CACNA1I: variants seen among roughly 807,000 people sequenced by gnomAD.
The protein encoded by CACNA1I is voltage-dependent T-type calcium channel subunit alpha-1I.
Under a neutral mutation model 201.6 loss-of-function variants are expected in CACNA1I, and 74 were observed. That is an observed-to-expected ratio of 0.37 (90% CI 0.30 to 0.45). The LOEUF is 0.45. CACNA1I is among the 20% of genes least tolerant of loss of function. The pLI is 1.00. For missense variants in CACNA1I, 2,346 were observed against 3,138.1 expected, an observed-to-expected ratio of 0.75 and a Z score of 6.03; for synonymous variants, 1,431 against 1,345.2, an observed-to-expected ratio of 1.06 and a Z score of -1.40.
At chr22:39,606,323 T>C (rs933748486) in intron 3 of CACNA1I, among the ~76,000 whole-genome samples, 1 of 152,170 alleles carries the variant, frequency 6.6e-6, no homozygotes, top group African/African-American at 2.4e-5. Flanking sequence ...TGGTGATTTT[T>C]AAAACCCACG....
intron 1 of CACNA1I, among the ~76,000 whole-genome samples, chr22:39,593,672 G>A (rs1416617555): frequency 6.6e-6 from 1 of 152,136 alleles, no homozygotes; most frequent in Non-Finnish European, 1.5e-5. Context: ...TTCTTGAGCA[G>A]GAGAGAGGCA....
Position 39,677,460 on chromosome 22 carries a change from A to T in CACNA1I, c.4933+41A>T. ...AGCAGGCCCGTGGTGGGGGTGCAGCAGGGCTGCAGGAGGAACTGGGGGGGC... is the reference window on the plus strand; with the variant it reads ...AGCAGGCCCGTGGTGGGGGTGCAGCTGGGCTGCAGGAGGAACTGGGGGGGC... On this transcript the variant is annotated intron_variant, in intron 30 of 36. Transcript: ENST00000402142. This position sits in a 1 kb window ranked among gnomAD's most constrained non-coding sequence, Gnocchi z 4.8. 7 of 1,170,572 alleles carry T rather than the reference A, an allele frequency of 6.0e-6. No individual in the cohort carries two copies. The highest frequency in any genetic ancestry group is 8.4e-6 in the Non-Finnish European group (7 of 830,904). 72.5% of individuals were successfully genotyped at this position (1,170,572 alleles called of 1,614,324 possible).
intron 1 of CACNA1I, 108 bp from the exon 2 acceptor site, chr22:39,598,043 G>T (rs955675891): frequency 1.6e-5 from 11 of 667,926 alleles, no homozygotes; most frequent in Non-Finnish European, 2.7e-5. Context: ...AATGAGGAAT[G>T]GGGTGTATGC....
At chr22:39,674,190 G>A (rs1241687791) in intron 29 of CACNA1I, among the ~76,000 whole-genome samples, 157 bp downstream of exon 29, 3 of 152,196 alleles carry the variant, frequency 2.0e-5, no homozygotes, top group Non-Finnish European at 4.4e-5. Context: ...CTGAGAGGCA[G>A]GAAGGGTCCC....
rs775620770 is a variant in CACNA1I at position 39,676,992 on chromosome 22, T to C, written c.4855-349T>C. On this transcript the variant is annotated intron_variant, in intron 29 of 36. Transcript: ENST00000402142. This position sits in a 1 kb window ranked among gnomAD's most constrained non-coding sequence, Gnocchi z 4.8. Reference sequence around the variant, plus strand: ...TAGCTGTGCGACTCTGGACAAGTGATGTCACCTCTCAGTCTGTCTCCTTCT... The same window carrying C: ...TAGCTGTGCGACTCTGGACAAGTGACGTCACCTCTCAGTCTGTCTCCTTCT... 6.6e-6 allele frequency among the ~76,000 whole-genome samples: 1 copy of C among 152,198 alleles called. No individual in the cohort carries two copies. The highest frequency in any genetic ancestry group is 1.5e-5 in the Non-Finnish European group (1 of 68,016).
chr22:39,682,078 C>T (rs1158971751), intron 34 of CACNA1I, among the ~76,000 whole-genome samples: 1 of 152,044 alleles, frequency 6.6e-6, no homozygotes, highest in Non-Finnish European at 1.5e-5. Context: ...CTCTGGGCTG[C>T]AGGGCTGAGG....
chr22:39,581,112 CAGG>C (rs896663245), intron 1 of CACNA1I, among the ~76,000 whole-genome samples: 1 of 152,170 alleles, frequency 6.6e-6, no homozygotes, highest in Non-Finnish European at 1.5e-5. Context: ...GCATGAGTGA[CAGG>C]AGAACAGGGC....
At chr22:39,669,035 C>A (rs1935285365) in intron 24 of CACNA1I, among the ~76,000 whole-genome samples, 1 of 151,928 alleles carries the variant, frequency 6.6e-6, no homozygotes, top group Admixed American at 6.6e-5. Flanking sequence ...CTTCTGAGAC[C>A]CCTGAGTAGC....
Position 39,665,924 on chromosome 22 carries a change from G to A in CACNA1I, c.4022G>A (p.Arg1341His), listed in dbSNP as rs774887441. ...KFYHCLGVDTRNITNRSDCMA... is the reference protein window; with the variant it reads ...KFYHCLGVDTHNITNRSDCMA... The stretch of plus-strand genomic sequence containing the variant: ...TACCACTGTCTGGGCGTGGACACCC[G>A]CAACATCACCAACCGCTCGGACTGC... The change falls in exon 23 of 37, where the codon CGC becomes CAC. Residue 1341 changes from arginine to histidine, a missense_variant. By Grantham distance (29) the Arg-to-His change is conservative (BLOSUM62 0). This residue lies in a region of CACNA1I where 228 missense variants were observed against 395.7 expected (regional missense o/e 0.58). Coordinates refer to ENST00000402142, the MANE Select transcript of CACNA1I (RefSeq NM_021096.4). The surrounding 1 kb of genome is among the most constrained non-coding windows in gnomAD (Gnocchi z 5.5). The A allele has an allele frequency of 3.0e-5, 48 of 1,613,644 alleles. No individual in the cohort carries two copies. In the Admixed American group the frequency reaches 3.3e-4, roughly 11 times the overall value.
At chr22:39,663,580 GCACC>G in intron 18 of CACNA1I, 134 bp from the exon 19 acceptor site, 8 of 999,908 alleles carry the variant, frequency 8.0e-6, no homozygotes, top group Admixed American at 5.3e-5. Context: ...TGTAGAGTCG[GCACC>G]TGGCCAGAGG....
rs1786847617 is a variant in CACNA1I, at chr22:39,662,262, C to T, written c.3199C>T (p.Leu1067=). Residue 1067 remains leucine (L), a synonymous_variant, in exon 17 of 37, where the codon CTG becomes TTG. Transcript: ENST00000402142. ...LSLDNRDSVD[L]AELVPAVGAH... ...CCTCGACAACAGGGACTCGGTGGACCTGGCCGAGCTGGTGCCCGCGGTGGG... is the reference window on the plus strand; with the variant it reads ...CCTCGACAACAGGGACTCGGTGGACTTGGCCGAGCTGGTGCCCGCGGTGGG... The T allele has an allele frequency of 1.3e-6, 2 of 1,520,438 alleles. No homozygotes were observed. The highest frequency in any genetic ancestry group is 1.2e-5 in the South Asian group (1 of 81,694). 94.2% of individuals were successfully genotyped at this position (1,520,438 alleles called of 1,614,324 possible).
intron 1 of CACNA1I, among the ~76,000 whole-genome samples, chr22:39,578,507 C>T (rs1183673570): frequency 2.0e-5 from 3 of 152,122 alleles, no homozygotes; most frequent in Non-Finnish European, 4.4e-5. Context: ...CCTCCCTCCT[C>T]CTCCCCTGCT....
At chr22:39,619,937 A>G (rs1418801849) in intron 4 of CACNA1I, among the ~76,000 whole-genome samples, 1 of 149,382 alleles carries the variant, frequency 6.7e-6, no homozygotes, top group East Asian at 1.9e-4. Context: ...CCACCTGTCC[A>G]TCCATCCATC....
At position 39,649,752 on chromosome 22, in the gene CACNA1I, AAGGAGG is replaced by A. The variant is rs755371506; in HGVS notation, c.1834_1839del (p.Glu612_Glu613del). 7 of 1,586,260 alleles carry A rather than the reference AAGGAGG, an allele frequency of 4.4e-6. No homozygotes were observed. The highest frequency in any genetic ancestry group is 2.3e-5 in the East Asian group (1 of 43,642). ...GGACGGAGCCTCCTCAGAACTGGGG[AAGGAGG>A]AGGAGGAGGAGGAGCAGGCGGATGG... is the stretch of plus-strand genomic sequence containing the variant. On this transcript the variant is annotated inframe_deletion, in exon 10 of 37. Transcript: ENST00000402142. This position sits in a 1 kb window ranked among gnomAD's most constrained non-coding sequence, Gnocchi z 7.3.
Position 39,677,389 on chromosome 22 carries a change from G to T in CACNA1I, c.4903G>T (p.Ala1635Ser). The T allele has an allele frequency of 6.3e-7, 1 of 1,596,122 alleles. No homozygotes were observed. The stretch of plus-strand genomic sequence containing the variant: ...CATGCTGCTCTTCTTCATCTATGCT[G>T]CTCTCGGGGTGGAGCTCTTTGGGAA... ...LFMLLFFIYA[A>S]LGVELFGKLV... Residue 1635 changes from alanine (A) to serine (S), a missense_variant, in exon 30 of 37, where the codon GCT becomes TCT. Transcript: ENST00000402142. This position sits in a 1 kb window ranked among gnomAD's most constrained non-coding sequence, Gnocchi z 4.8.
At position 39,663,617 on chromosome 22, in the gene CACNA1I, G is replaced by A. The variant is rs1426002545; in HGVS notation, c.3474-101G>A. ...AGGAGAGGATAGGGGTTGCTTCCTC[G>A]AGGCCAGCGTGGTCTGCACTGCTGC... On this transcript the variant is annotated intron_variant, in intron 18 of 36. Coordinates refer to ENST00000402142, the MANE Select transcript of CACNA1I (RefSeq NM_021096.4). 14 of 1,425,080 alleles carry A rather than the reference G, an allele frequency of 9.8e-6. No individual in the cohort carries two copies. In the East Asian group the frequency reaches 1.2e-4, roughly 12 times the overall value. 88.3% of individuals were successfully genotyped at this position (1,425,080 alleles called of 1,614,324 possible).
At chr22:39,660,780 C>G (rs1300601139) in intron 15 of CACNA1I, among the ~76,000 whole-genome samples, 1 of 152,050 alleles carries the variant, frequency 6.6e-6, no homozygotes, top group African/African-American at 2.4e-5. Flanking sequence ...ATCCTCCAAC[C>G]CTAGCCCAGT....
Position 39,662,209 on chromosome 22 carries a change from GCCACCGCCA to G in CACNA1I, c.3155_3163del (p.His1052_Arg1054del). 1 of 1,527,956 alleles carries G rather than the reference GCCACCGCCA, an allele frequency of 6.5e-7. No homozygotes were observed. The highest frequency in any genetic ancestry group is 8.8e-7 in the Non-Finnish European group (1 of 1,141,176). The allele number at this position is 1,527,956 out of a possible 1,614,324, so 94.6% of individuals were successfully genotyped here. A position where few individuals can be genotyped will look rare whatever the true frequency, so the allele number is the denominator to read the frequency against. Reference sequence around the variant, plus strand: ...CATCACGGGCCCCATCTGGCGCACCGCCACCGCCACCACCGCCGGACGCTGTCCCTCGAC... The same window carrying G: ...CATCACGGGCCCCATCTGGCGCACCGCCACCGCCGGACGCTGTCCCTCGAC... On this transcript the variant is annotated inframe_deletion, in exon 17 of 37. Coordinates refer to ENST00000402142, the MANE Select transcript of CACNA1I (RefSeq NM_021096.4).
chr22:39,684,904 A>T lies in CACNA1I; in HGVS notation c.6027+406A>T. The stretch of plus-strand genomic sequence containing the variant: ...CTTGATTACTAGGAATGGAGGTGGG[A>T]GGGCGGGTCTGGTGGATGAGAAGCC... On this transcript the variant is annotated intron_variant, in intron 36 of 36. Coordinates refer to ENST00000402142, the MANE Select transcript of CACNA1I (RefSeq NM_021096.4). This position sits in a 1 kb window ranked among gnomAD's most constrained non-coding sequence, Gnocchi z 4.6. 2.5e-5 allele frequency: 8 copies of T among 317,744 alleles called. No homozygotes were observed. The highest frequency in any genetic ancestry group is 1.3e-4 in the East Asian group (2 of 15,686). The allele number at this position is 317,744 out of a possible 1,614,324, so 19.7% of individuals were successfully genotyped here.
Sources: gnomAD v4.1 joint callset for allele counts (sites outside exome capture counted in the v4.1 genomes callset) on GRCh38, gnomAD v4.1.1 for gene constraint, gnomAD v4.1.1 regional missense constraint, Gnocchi (gnomAD v3.1) non-coding constraint, MANE v1.5 for transcripts, NCBI Gene and HGNC (gene_info 2026-07-23, HGNC 2026-07-21) for gene names.